Variants in RIT2 observed in about 807,000 individuals in gnomAD.
RIT2 encodes GTP-binding protein Rit2.
RIT2 carries 24 observed loss-of-function variants against 23.7 expected under a neutral mutation model. The observed-to-expected ratio is 1.01, with a 90% CI of 0.73 to 1.43. RIT2 has a LOEUF of 1.43. RIT2 is among the 40% of genes most tolerant of loss of function. The pLI is 0.00. For missense variants in RIT2, 236 were observed against 266.9 expected, an observed-to-expected ratio of 0.88 and a Z score of 0.81; for synonymous variants, 107 against 91.1, an observed-to-expected ratio of 1.17 and a Z score of -0.99.
intron 4 of RIT2, among the ~76,000 whole-genome samples, chr18:42,875,330 C>CTT (rs1176760577): frequency 2.2e-5 from 3 of 137,776 alleles, no homozygotes; most frequent in South Asian, 2.3e-4. Context: ...TTCTCTCTCT[C>CTT]TTTTTTTTTT....
chr18:42,818,874 G>A (rs1467622864), intron 4 of RIT2, among the ~76,000 whole-genome samples: 1 of 152,002 alleles, frequency 6.6e-6, no homozygotes, highest in African/African-American at 2.4e-5. Flanking sequence ...GAATTGAAAT[G>A]GAGAAACATT....
At chr18:43,051,056 C>A (rs911262447) in intron 1 of RIT2, among the ~76,000 whole-genome samples, 1 of 152,020 alleles carries the variant, frequency 6.6e-6, no homozygotes, top group African/African-American at 2.4e-5. Context: ...GAGGCTCGGA[C>A]TTACAACTAG....
intron 4 of RIT2, among the ~76,000 whole-genome samples, chr18:42,755,788 TTAGACAAA>T (rs1913148513): frequency 6.6e-6 from 1 of 152,182 alleles, no homozygotes; most frequent in East Asian, 1.9e-4. Context: ...GGTTGTCGAT[TTAGACAAA>T]TAGACAAATT....
chr18:42,892,163 C>T (rs1201529113), intron 4 of RIT2, among the ~76,000 whole-genome samples: 2 of 152,138 alleles, frequency 1.3e-5, no homozygotes, highest in African/African-American at 4.8e-5. Context: ...CTCCAATCTA[C>T]GTTATAATCT....
chr18:42,913,158 T>C (rs1379257371), intron 4 of RIT2, among the ~76,000 whole-genome samples: 1 of 150,646 alleles, frequency 6.6e-6, no homozygotes, highest in Admixed American at 6.6e-5. Context: ...GAAAAGACTC[T>C]TCAATAAATG....
intron 3 of RIT2, among the ~76,000 whole-genome samples, chr18:42,964,573 G>C (rs1910168077): frequency 6.6e-6 from 1 of 152,046 alleles, no homozygotes; most frequent in Admixed American, 6.6e-5. Context: ...TAAAAATGCA[G>C]ATTCACTACT....
At chr18:43,110,471 C>T (rs896319459) in intron 1 of RIT2, among the ~76,000 whole-genome samples, 1 of 152,084 alleles carries the variant, frequency 6.6e-6, no homozygotes, top group Admixed American at 6.6e-5. Flanking sequence ...GAGGAACGGC[C>T]TTGCTGTTTC....
At chr18:42,904,485 C>T (rs1908559848) in intron 4 of RIT2, among the ~76,000 whole-genome samples, 1 of 152,038 alleles carries the variant, frequency 6.6e-6, no homozygotes, top group African/African-American at 2.4e-5. Context: ...ATCACTTGGG[C>T]AAGAGGGAGG....
intron 4 of RIT2, among the ~76,000 whole-genome samples, chr18:42,865,726 T>A (rs1598689998): frequency 6.6e-6 from 1 of 152,318 alleles, no homozygotes; most frequent in African/African-American, 2.4e-5. Context: ...CTTGGGTGAC[T>A]GCTAATATGT....
At chr18:42,774,353 G>A (rs899375581) in intron 4 of RIT2, among the ~76,000 whole-genome samples, 2 of 152,122 alleles carry the variant, frequency 1.3e-5, no homozygotes, top group East Asian at 1.9e-4. Flanking sequence ...CAGGGGGAAA[G>A]TGTCTAAGAA....
At chr18:42,907,791 G>A (rs1309525281) in intron 4 of RIT2, among the ~76,000 whole-genome samples, 2 of 152,070 alleles carry the variant, frequency 1.3e-5, no homozygotes, top group African/African-American at 4.8e-5. Flanking sequence ...GACCAGCCTG[G>A]GTAATGTAGT....
rs140256148 is a variant in RIT2, at chr18:43,060,689, C to T, written c.104-26822G>A. ...AAAACAAATTGAAATGCACCCCAGTCATCCAAAGATCATTCAGAAAAAATA... is the reference window on the plus strand; with the variant it reads ...AAAACAAATTGAAATGCACCCCAGTTATCCAAAGATCATTCAGAAAAAATA... On this transcript the variant is annotated intron_variant, in intron 1 of 4. Transcript: ENST00000326695. Among the ~76,000 whole-genome samples, 181 of 152,260 alleles carry T rather than the reference C, an allele frequency of 1.2e-3. No homozygotes were observed. In the Middle Eastern group the frequency reaches 0.017, roughly 14 times the overall value.
chr18:43,041,197 T>C (rs1198600313), intron 1 of RIT2, among the ~76,000 whole-genome samples: 1 of 152,136 alleles, frequency 6.6e-6, no homozygotes, highest in Non-Finnish European at 1.5e-5. Flanking sequence ...TGAAAGTTGG[T>C]TAGTGGCTTT....
At chr18:42,953,084 T>C (rs1268953510) in intron 3 of RIT2, among the ~76,000 whole-genome samples, 1 of 151,858 alleles carries the variant, frequency 6.6e-6, no homozygotes, top group Non-Finnish European at 1.5e-5. Flanking sequence ...ATCAGTCTCA[T>C]TCATTTGTTT....
At chr18:42,899,994 T>C (rs1908432264) in intron 4 of RIT2, among the ~76,000 whole-genome samples, 1 of 151,986 alleles carries the variant, frequency 6.6e-6, no homozygotes. Flanking sequence ...AACTACATAA[T>C]TTAAAAACAA....
chr18:43,080,770 G>A (rs1302276594), intron 1 of RIT2, among the ~76,000 whole-genome samples: 3 of 152,162 alleles, frequency 2.0e-5, no homozygotes, highest in Non-Finnish European at 4.4e-5. Flanking sequence ...GCCATTCAGT[G>A]ACTGGCTTAA....
chr18:42,982,820 A>C (rs946140258), intron 2 of RIT2, among the ~76,000 whole-genome samples: 1 of 151,956 alleles, frequency 6.6e-6, no homozygotes, highest in Non-Finnish European at 1.5e-5. Flanking sequence ...AAATTATACA[A>C]TACTAATGAA....
intron 4 of RIT2, among the ~76,000 whole-genome samples, chr18:42,800,826 C>T (rs75771611): frequency 0.011 from 1,619 of 152,186 alleles, 6 homozygotes; most frequent in Middle Eastern, 0.037. Context: ...CCACCGCGTC[C>T]GGCCAGCATT....
intron 4 of RIT2, among the ~76,000 whole-genome samples, chr18:42,837,147 C>CTTTTTTTTTTTTTTTT (rs1196949759): frequency 2.1e-5 from 1 of 48,714 alleles, no homozygotes; most frequent in Non-Finnish European, 4.7e-5. Flanking sequence ...CTTTTTTTTT[C>CTTTTTTTTTTTTTTTT]TTTTTCTTTT....
Sources: gnomAD v4.1 joint callset for allele counts (sites outside exome capture counted in the v4.1 genomes callset) on GRCh38, gnomAD v4.1.1 for gene constraint, MANE v1.5 for transcripts, NCBI Gene and HGNC (gene_info 2026-07-23, HGNC 2026-07-21) for gene names.